Variants in LINC00305 observed in about 807,000 individuals in gnomAD.
LINC00305 encodes the protein long independently transcribed non-coding RNA 305.
intron 1 of LINC00305, among the ~76,000 whole-genome samples, chr18:64,124,868 A>C (rs1037245962): frequency 6.6e-6 from 1 of 152,120 alleles, no homozygotes; most frequent in Non-Finnish European, 1.5e-5. Flanking sequence ...CCTGCATCTC[A>C]TCAGTGGAAT....
intron 3 of LINC00305, among the ~76,000 whole-genome samples, chr18:64,089,594 G>A (rs1053944692): frequency 6.6e-6 from 1 of 152,150 alleles, no homozygotes; most frequent in Non-Finnish European, 1.5e-5. Context: ...TGGGGAAAAG[G>A]CAGGAAATGA....
chr18:64,128,361 C>CTCACCTGCCACCTGTCCA (rs34345777), intron 1 of LINC00305, among the ~76,000 whole-genome samples: 1 of 152,030 alleles, frequency 6.6e-6, no homozygotes, highest in Non-Finnish European at 1.5e-5. Context: ...TGCCACCTGT[C>CTCACCTGCCACCTGTCCA]ACCTGTCACC....
intron 1 of LINC00305, among the ~76,000 whole-genome samples, chr18:64,148,326 G>A (rs984178642): frequency 6.6e-6 from 1 of 152,072 alleles, no homozygotes; most frequent in African/African-American, 2.4e-5. Context: ...CCTTATCTCA[G>A]ATATCTTTAT....
intron 1 of LINC00305, among the ~76,000 whole-genome samples, chr18:64,127,677 C>A (rs1227113985): frequency 6.6e-6 from 1 of 152,072 alleles, no homozygotes; most frequent in Non-Finnish European, 1.5e-5. Flanking sequence ...ACCAAGGAAG[C>A]AACCCCTTTA....
chr18:64,091,254 T>C (rs933041602), intron 3 of LINC00305, among the ~76,000 whole-genome samples: 1 of 152,216 alleles, frequency 6.6e-6, no homozygotes, highest in Non-Finnish European at 1.5e-5. Context: ...AGACATAATA[T>C]ATGCTTTCCT....
intron 3 of LINC00305, among the ~76,000 whole-genome samples, chr18:64,086,782 C>G (rs979802072): frequency 1.3e-5 from 2 of 152,068 alleles, no homozygotes; most frequent in Non-Finnish European, 2.9e-5. Context: ...TTGTTTAGGC[C>G]CATGTGATGT....
chr18:64,098,260 A>G (rs1184679274), intron 2 of LINC00305, among the ~76,000 whole-genome samples: 3 of 152,240 alleles, frequency 2.0e-5, no homozygotes, highest in Admixed American at 6.5e-5. Context: ...GACCGTGTTT[A>G]TAGGTACGGC....
chr18:64,136,463 G>A (rs1271267186), intron 1 of LINC00305, among the ~76,000 whole-genome samples: 1 of 152,144 alleles, frequency 6.6e-6, no homozygotes, highest in Non-Finnish European at 1.5e-5. Flanking sequence ...GGAGAGAAGG[G>A]AGAAGCCCCT....
intron 3 of LINC00305, chr18:64,097,781 A>G (rs1346621337): frequency 2.3e-6 from 1 of 436,516 alleles, no homozygotes; most frequent in Non-Finnish European, 4.7e-6. Context: ...CCATGGAAAC[A>G]TTCCTTTATA....
intron 1 of LINC00305, chr18:64,139,535 A>G (rs750232791): frequency 1.1e-4 from 17 of 152,226 alleles, no homozygotes; most frequent in Admixed American, 4.6e-4. Flanking sequence ...AGCGTACATC[A>G]TATCTTTGGG....
rs188977273 is a variant in LINC00305, at chr18:64,093,860, G to C, written n.540+3974C>G. Among the ~76,000 whole-genome samples the C allele has an allele frequency of 1.9e-3, 289 of 152,296 alleles. 2 individuals are homozygous for C. The highest frequency in any genetic ancestry group is 3.3e-3 in the Non-Finnish European group (223 of 68,022). Reference sequence around the variant, plus strand: ...CAGGAGATTTTCAGTTTCAAAACATGAGAGGTTCTAGGAAAACCAGGAGGC... The same window carrying C: ...CAGGAGATTTTCAGTTTCAAAACATCAGAGGTTCTAGGAAAACCAGGAGGC... On this transcript the variant is annotated intron_variant and non_coding_transcript_variant, in intron 3 of 3. Coordinates refer to ENST00000666468, the Ensembl canonical transcript of LINC00305.
intron 3 of LINC00305, among the ~76,000 whole-genome samples, chr18:64,087,570 T>C (rs1329429588): frequency 6.6e-6 from 1 of 152,186 alleles, no homozygotes; most frequent in Non-Finnish European, 1.5e-5. Context: ...GATATAACAT[T>C]TTTGAAATAT....
chr18:64,105,129 G>A (rs1193001267), intron 1 of LINC00305, among the ~76,000 whole-genome samples: 2 of 152,028 alleles, frequency 1.3e-5, no homozygotes, highest in Non-Finnish European at 2.9e-5. Flanking sequence ...GCTTCAACCT[G>A]CCATGTAGCT....
chr18:64,122,671 C>A (rs548074526), intron 1 of LINC00305, among the ~76,000 whole-genome samples: 1 of 151,956 alleles, frequency 6.6e-6, no homozygotes, highest in Non-Finnish European at 1.5e-5. Context: ...AATTTGGGCT[C>A]TTTTCGTGTT....
At chr18:64,099,225 T>C (rs1042756504) in intron 1 of LINC00305, among the ~76,000 whole-genome samples, 1 of 152,226 alleles carries the variant, frequency 6.6e-6, no homozygotes, top group Non-Finnish European at 1.5e-5. Flanking sequence ...TGTCTGTGTA[T>C]TCTATGGTCC....
rs923715214 is a variant in LINC00305 at position 64,143,482 on chromosome 18, G to A, written n.314+5293C>T. Among the ~76,000 whole-genome samples the A allele has an allele frequency of 9.6e-5, 4 of 41,810 alleles. No homozygotes were observed. The East Asian group carries it at 3.3e-3, about 35-fold the overall frequency. 27.4% of individuals were successfully genotyped at this position (41,810 alleles called of 152,430 possible). On this transcript the variant is annotated intron_variant and non_coding_transcript_variant, in intron 1 of 3. Transcript: ENST00000666468. ...GGCCTAGTATCTGAAAAGCATTGAT[G>A]GTGTGTGTGTGTATATATATATGTA...
At position 64,137,847 on chromosome 18, in the gene LINC00305, T is replaced by TACACAC. The variant is rs34096602; in HGVS notation, n.314+10922_314+10927dup. Among the ~76,000 whole-genome samples, 1,084 of 148,546 alleles carry TACACAC rather than the reference T, an allele frequency of 7.3e-3. 6 individuals are homozygous for TACACAC. Among genetic ancestry groups the TACACAC allele is most frequent in the African/African-American group, 0.018 (745 of 40,414 alleles). ...AGCCATTAAATAATATACACACACA[T>TACACAC]ACACACACACACACACACACACAAT... On this transcript the variant is annotated intron_variant and non_coding_transcript_variant, in intron 1 of 3. Coordinates refer to ENST00000666468, the Ensembl canonical transcript of LINC00305.
At chr18:64,147,998 C>G (rs1400012094) in intron 1 of LINC00305, among the ~76,000 whole-genome samples, 1 of 151,922 alleles carries the variant, frequency 6.6e-6, no homozygotes, top group Non-Finnish European at 1.5e-5. Flanking sequence ...TCATAGGGAA[C>G]CATCTCGGAT....
chr18:64,081,587 G>C (rs1020572999), intron 3 of LINC00305, among the ~76,000 whole-genome samples: 3 of 152,176 alleles, frequency 2.0e-5, no homozygotes, highest in Admixed American at 1.3e-4. Context: ...AACTTAAATG[G>C]CTTTTGTTTA....
Sources: allele counts gnomAD v4.1 joint callset (sites outside exome capture counted in the v4.1 genomes callset), GRCh38; gene constraint gnomAD v4.1.1; transcripts MANE v1.5; gene names NCBI Gene and HGNC (gene_info 2026-07-23, HGNC 2026-07-21).